Variants in BCAR1 observed in about 807,000 individuals in gnomAD.
BCAR1 encodes BCAR1 scaffold protein, Cas family member.
BCAR1 carries 30 observed loss-of-function variants against 67.6 expected under a neutral mutation model. The observed-to-expected ratio is 0.44, with a 90% CI of 0.33 to 0.60. BCAR1 has a LOEUF of 0.60. Among genes scored for constraint, BCAR1 ranks in the 20% least tolerant of loss-of-function variants. The pLI, the probability that BCAR1 is intolerant of heterozygous loss-of-function variation, is 0.02. For synonymous variants in BCAR1, 626 were observed against 556.7 expected (o/e 1.12, Z -1.75); for missense variants, 1,313 against 1,222.3 (o/e 1.07, Z -1.11).
At chr16:75,262,142 C>T (rs1251551549) in intron 1 of BCAR1, among the ~76,000 whole-genome samples, 2 of 152,170 alleles carry the variant, frequency 1.3e-5, no homozygotes, top group Admixed American at 1.3e-4. Flanking sequence ...CCCGCAGCAG[C>T]CTCTCCAGGA....
chr16:75,243,160 G>C, intron 1 of BCAR1, 70 bp from the exon 2 acceptor site: 2 of 1,471,620 alleles, frequency 1.4e-6, no homozygotes, highest in Non-Finnish European at 1.8e-6. Flanking sequence ...CCCAGCTCCT[G>C]CCCTGCTCTG....
Position 75,236,926 on chromosome 16 carries a change from G to A in BCAR1, c.868C>T (p.Pro290Ser), listed in dbSNP as rs752145316. 3.1e-6 allele frequency: 5 copies of A among 1,612,680 alleles called. No homozygotes were observed. Among genetic ancestry groups the A allele is most frequent in the South Asian group, 1.1e-5 (1 of 90,788 alleles). ...RDPLLEVYDVPPSVEKGLPPS... is the reference protein window; with the variant it reads ...RDPLLEVYDVSPSVEKGLPPS... ...GGCAGGCCCTTCTCCACACTGGGGG[G>A]CACGTCATACACCTCCAGCAACGGG... is the stretch of plus-strand genomic sequence containing the variant. The change falls in exon 4 of 7, where the codon CCC becomes TCC. Residue 290 changes from proline to serine, a missense_variant. By Grantham distance (74) the Pro-to-Ser change is moderately conservative (BLOSUM62 -1). This residue lies in a region of BCAR1 where 1,272 missense variants were observed against 1,137.5 expected (regional missense o/e 1.12). Coordinates refer to ENST00000162330, the MANE Select transcript of BCAR1 (RefSeq NM_014567.5).
chr16:75,242,061 C>T (rs1230238916), intron 2 of BCAR1, among the ~76,000 whole-genome samples: 3 of 152,192 alleles, frequency 2.0e-5, no homozygotes, highest in Admixed American at 6.5e-5. Flanking sequence ...GAAGATGTGC[C>T]GGAACCCCAT....
chr16:75,234,081 A>C, intron 5 of BCAR1, 146 bp from the exon 6 acceptor site: 1 of 696,078 alleles, frequency 1.4e-6, no homozygotes, highest in Non-Finnish European at 2.5e-6. Flanking sequence ...ACGCACACAC[A>C]CACTAGCACA....
At chr16:75,255,525 G>A (rs982095731), upstream of BCAR1, among the ~76,000 whole-genome samples, 1 of 152,020 alleles carries the variant, frequency 6.6e-6, no homozygotes, top group Admixed American at 6.6e-5. Flanking sequence ...GCGAAACTCC[G>A]TCTCTACTAA....
chr16:75,245,913 A>G (rs2077501193), intron 1 of BCAR1: 1 of 140,428 alleles, frequency 7.1e-6, no homozygotes, highest in South Asian at 2.3e-4. Flanking sequence ...AGCCTCTCTG[A>G]GCATCTAGAT....
intron 4 of BCAR1, 25 bp from the exon 5 acceptor site, chr16:75,236,011 C>G (rs377105558): frequency 1.3e-6 from 2 of 1,538,872 alleles, no homozygotes; most frequent in African/African-American, 2.7e-5. Flanking sequence ...GTGGTCAAGA[C>G]TGTCCATCTG....
intron 1 of BCAR1, chr16:75,266,352 C>G (rs956717314): frequency 5.9e-6 from 1 of 168,404 alleles, no homozygotes; most frequent in Non-Finnish European, 1.3e-5. Context: ...AGCCCCGAGA[C>G]CCCCAGGGAA....
chr16:75,237,383 C>T, intron 2 of BCAR1, 39 bp from the exon 3 acceptor site: 8 of 1,428,254 alleles, frequency 5.6e-6, no homozygotes, highest in Non-Finnish European at 6.4e-6. Context: ...GCCCTCAAAC[C>T]AGCCCTTAGG....
intron 6 of BCAR1, 29 bp downstream of exon 6, chr16:75,233,817 C>G: frequency 1.3e-6 from 2 of 1,573,616 alleles, no homozygotes; most frequent in Non-Finnish European, 1.7e-6. Flanking sequence ...GCGGGCAAAG[C>G]TGGGCCTTGC....
Position 75,237,968 on chromosome 16 carries a change from C to CCCTGCCGCG in BCAR1, c.634-633_634-625dup, listed in dbSNP as rs573145810. On this transcript the variant is annotated intron_variant, in intron 2 of 6. Coordinates refer to ENST00000162330, the MANE Select transcript of BCAR1 (RefSeq NM_014567.5). Reference sequence around the variant, plus strand: ...GCAGCAGCTGGGACCAAGGCCCCCTCCCTGCCGCGCCTGCCCCGGGGGAGC... The same window carrying CCCTGCCGCG: ...GCAGCAGCTGGGACCAAGGCCCCCTCCCTGCCGCGCCTGCCGCGCCTGCCCCGGGGGAGC... 1.6e-4 allele frequency: 192 copies of CCCTGCCGCG among 1,187,446 alleles called. No homozygotes were observed. In the African/African-American group the frequency reaches 2.9e-3, roughly 18 times the overall value. 73.6% of individuals were successfully genotyped at this position (1,187,446 alleles called of 1,614,324 possible). A position where few individuals can be genotyped will look rare whatever the true frequency, so the allele number is the denominator to read the frequency against.
upstream of BCAR1, chr16:75,256,353 G>A (rs1469121): frequency 0.21 from 30,192 of 144,402 alleles, 3,673 homozygotes; most frequent in East Asian, 0.49. Flanking sequence ...ACCAGTAGTG[G>A]CTCTGACTGT....
intron 2 of BCAR1, among the ~76,000 whole-genome samples, chr16:75,240,500 T>A (rs1785379674): frequency 6.6e-6 from 1 of 152,244 alleles, no homozygotes; most frequent in Non-Finnish European, 1.5e-5. Context: ...TGATATCTAA[T>A]GTTGGATTTA....
chr16:75,236,131 T>C (rs2077125359), intron 4 of BCAR1, 145 bp from the exon 5 acceptor site: 4 of 1,066,090 alleles, frequency 3.8e-6, no homozygotes, highest in Non-Finnish European at 2.6e-6. Flanking sequence ...CAGGCACACA[T>C]ACAAATGCAG....
rs141418642 is a variant in BCAR1, at chr16:75,257,645, G to A, written c.66+10270C>T. 6.4e-3 allele frequency among the ~76,000 whole-genome samples: 975 copies of A among 152,292 alleles called. 7 individuals carry two copies. Among genetic ancestry groups the A allele is most frequent in the African/African-American group, 0.022 (895 of 41,552 alleles). On this transcript the variant is annotated intron_variant, in intron 1 of 6. Coordinates refer to the BCAR1 transcript ENST00000393422. ...AATTTTTTTATTTTTTGTAGAAATG[G>A]GGTTTCACTATATTGCCCAGGCTCG...
At position 75,233,828 on chromosome 16, in the gene BCAR1, T is replaced by G; in HGVS notation, c.2100+18A>C. 1 of 1,587,618 alleles carries G rather than the reference T, an allele frequency of 6.3e-7. No homozygotes were observed. Among genetic ancestry groups the G allele is most frequent in the Non-Finnish European group, 8.6e-7 (1 of 1,167,222 alleles). On this transcript the variant is annotated intron_variant, in intron 6 of 6. Transcript: ENST00000162330. ...GTCAGCGGGCAAAGCTGGGCCTTGCTCTGCTCCGGGGCCTCACCTGCTGCA... is the reference window on the plus strand; with the variant it reads ...GTCAGCGGGCAAAGCTGGGCCTTGCGCTGCTCCGGGGCCTCACCTGCTGCA...
At chr16:75,251,184 G>T (rs983100475) in intron 1 of BCAR1, among the ~76,000 whole-genome samples, 1 of 151,986 alleles carries the variant, frequency 6.6e-6, no homozygotes, top group East Asian at 1.9e-4. Context: ...GTCGGCCGGG[G>T]AGCGCGGGCC....
At chr16:75,257,047 G>C (rs938884134) in intron 1 of BCAR1, among the ~76,000 whole-genome samples, 9 of 152,214 alleles carry the variant, frequency 5.9e-5, no homozygotes, top group African/African-American at 2.2e-4. Context: ...GTCCTGGCTG[G>C]AAGGGGGAAA....
chr16:75,237,420 C>T lies in BCAR1; in HGVS notation c.634-76G>A, dbSNP rs974334474. 5.7e-5 allele frequency: 79 copies of T among 1,391,958 alleles called. 1 individual carries two copies. Among genetic ancestry groups the T allele is most frequent in the African/African-American group, 5.1e-4 (34 of 66,570 alleles). The allele number at this position is 1,391,958 out of a possible 1,614,324, so 86.2% of individuals were successfully genotyped here. A position where few individuals can be genotyped will look rare whatever the true frequency, so the allele number is the denominator to read the frequency against. On this transcript the variant is annotated intron_variant, in intron 2 of 6. Transcript: ENST00000162330. ...AGGCTCCACTCACACCTGGGAGCCACGTCCTTTTAGGAGGTGGGCAGGGCA... is the reference window on the plus strand; with the variant it reads ...AGGCTCCACTCACACCTGGGAGCCATGTCCTTTTAGGAGGTGGGCAGGGCA...
Sources: gnomAD v4.1 joint callset for allele counts (sites outside exome capture counted in the v4.1 genomes callset) on GRCh38, gnomAD v4.1.1 for gene constraint, gnomAD v4.1.1 regional missense constraint, MANE v1.5 for transcripts, NCBI Gene and HGNC (gene_info 2026-07-23, HGNC 2026-07-21) for gene names.